Variants in SLC35F3 observed in about 807,000 individuals in gnomAD.
The protein encoded by SLC35F3 is solute carrier family 35 member F3.
Under a neutral mutation model 49.9 loss-of-function variants are expected in SLC35F3, and 25 were observed. The observed-to-expected ratio is 0.50, with a 90% CI of 0.37 to 0.70. The LOEUF (loss-of-function observed/expected upper bound fraction) is 0.70, where lower values mean the gene tolerates loss of function less well. Among genes scored for constraint, SLC35F3 ranks in the 30% least tolerant of loss-of-function variants. The pLI is 0.00. For synonymous variants in SLC35F3, 275 were observed against 265.4 expected (o/e 1.04, Z -0.35); for missense variants, 525 against 639.8 (o/e 0.82, Z 1.94).
chr1:234,162,284 A>G (rs1666239420), intron 2 of SLC35F3, among the ~76,000 whole-genome samples: 1 of 144,236 alleles, frequency 6.9e-6, no homozygotes, highest in African/African-American at 2.5e-5. Context: ...GGAGAAGCTC[A>G]GAGTGGCTTC....
intron 3 of SLC35F3, among the ~76,000 whole-genome samples, chr1:234,248,048 A>G (rs1201713652): frequency 7.3e-6 from 1 of 137,226 alleles, no homozygotes; most frequent in East Asian, 2.3e-4. Context: ...GGTAGGTTGA[A>G]TGGCTGGTCT....
intron 2 of SLC35F3, among the ~76,000 whole-genome samples, chr1:234,167,980 C>T (rs755972440): frequency 3.9e-5 from 6 of 152,204 alleles, no homozygotes; most frequent in Admixed American, 6.5e-5. Context: ...TTAGCTTTGC[C>T]GTGCCATTGT....
chr1:233,930,745 C>A (rs1197834659), intron 2 of SLC35F3, among the ~76,000 whole-genome samples: 2 of 152,050 alleles, frequency 1.3e-5, no homozygotes, highest in East Asian at 3.8e-4. Context: ...TATGTTCTTA[C>A]AATAAATTAA....
intron 2 of SLC35F3, among the ~76,000 whole-genome samples, chr1:233,995,668 G>A (rs1360470401): frequency 6.6e-6 from 1 of 152,186 alleles, no homozygotes; most frequent in Non-Finnish European, 1.5e-5. Flanking sequence ...CAGCAGCAGA[G>A]GAGAGGAAGG....
intron 2 of SLC35F3, among the ~76,000 whole-genome samples, chr1:234,136,384 T>C (rs1269872138): frequency 6.6e-6 from 1 of 151,998 alleles, no homozygotes; most frequent in Non-Finnish European, 1.5e-5. Context: ...TTCTATTTCT[T>C]TTTTTTCCTA....
intron 2 of SLC35F3, among the ~76,000 whole-genome samples, chr1:234,177,854 A>G (rs375986941): frequency 6.4e-4 from 97 of 152,318 alleles, no homozygotes; most frequent in African/African-American, 2.2e-3. Flanking sequence ...ATTTGATCTT[A>G]GATAGTACAG....
intron 2 of SLC35F3, among the ~76,000 whole-genome samples, chr1:234,102,707 T>C (rs776905925): frequency 6.6e-6 from 1 of 152,194 alleles, no homozygotes; most frequent in South Asian, 2.1e-4. Context: ...ACGACTCCCC[T>C]CTTGCTCCTT....
intron 2 of SLC35F3, among the ~76,000 whole-genome samples, chr1:234,195,329 C>T (rs956316421): frequency 2.0e-5 from 3 of 152,190 alleles, no homozygotes; most frequent in African/African-American, 7.2e-5. Context: ...TCTCTCGCCT[C>T]ACTTCCATCC....
At chr1:234,212,913 T>C (rs936602084) in intron 2 of SLC35F3, 2 of 152,202 alleles carry the variant, frequency 1.3e-5, no homozygotes, top group Non-Finnish European at 2.9e-5. Flanking sequence ...AGGCGTATAA[T>C]GTGGAGGGGT....
chr1:234,236,212 G>T (rs1192528453), intron 3 of SLC35F3, among the ~76,000 whole-genome samples: 1 of 152,102 alleles, frequency 6.6e-6, no homozygotes, highest in Non-Finnish European at 1.5e-5. Context: ...GGGCTGAGGA[G>T]GGCAGATTGA....
At chr1:234,163,231 T>C (rs373553199) in intron 2 of SLC35F3, among the ~76,000 whole-genome samples, 3 of 152,374 alleles carry the variant, frequency 2.0e-5, no homozygotes, top group East Asian at 1.9e-4. Flanking sequence ...AGGTACATCA[T>C]ACAATACACC....
intron 3 of SLC35F3, among the ~76,000 whole-genome samples, chr1:234,295,459 C>A (rs1372598591): frequency 6.6e-6 from 1 of 152,152 alleles, no homozygotes; most frequent in African/African-American, 2.4e-5. Flanking sequence ...ATTGGTCAGG[C>A]CAGTTCTCAA....
intron 2 of SLC35F3, among the ~76,000 whole-genome samples, chr1:233,917,059 G>A (rs1661984859): frequency 6.6e-6 from 1 of 152,140 alleles, no homozygotes; most frequent in Admixed American, 6.5e-5. Flanking sequence ...CTAAATATAT[G>A]GTATGGTTGT....
At chr1:234,252,872 G>A (rs1190384768) in intron 3 of SLC35F3, among the ~76,000 whole-genome samples, 4 of 152,136 alleles carry the variant, frequency 2.6e-5, no homozygotes, top group African/African-American at 9.7e-5. Flanking sequence ...TTACTCCTAG[G>A]AATTTACATT....
chr1:234,255,846 T>C (rs1007629624), intron 3 of SLC35F3, among the ~76,000 whole-genome samples: 1 of 152,216 alleles, frequency 6.6e-6, no homozygotes, highest in Non-Finnish European at 1.5e-5. Flanking sequence ...GATACTGTAA[T>C]GGTAGATACA....
intron 2 of SLC35F3, among the ~76,000 whole-genome samples, chr1:234,050,340 T>C (rs528753766): frequency 2.3e-4 from 35 of 152,342 alleles, no homozygotes; most frequent in Admixed American, 2.3e-3. Flanking sequence ...CTAACTGGTG[T>C]GAGATGGTAT....
intron 2 of SLC35F3, among the ~76,000 whole-genome samples, chr1:234,079,920 G>A (rs1458160691): frequency 6.6e-6 from 1 of 152,170 alleles, no homozygotes; most frequent in African/African-American, 2.4e-5. Context: ...CTGTAACAGA[G>A]CTCCTAAAAC....
At chr1:234,248,817 A>G (rs1667687851) in intron 3 of SLC35F3, among the ~76,000 whole-genome samples, 1 of 152,184 alleles carries the variant, frequency 6.6e-6, no homozygotes, top group East Asian at 1.9e-4. Flanking sequence ...CACTTAGGTG[A>G]CCAAGGTGTC....
chr1:233,964,055 A>G (rs1558191089), intron 2 of SLC35F3, among the ~76,000 whole-genome samples: 1 of 152,184 alleles, frequency 6.6e-6, no homozygotes, highest in Non-Finnish European at 1.5e-5. Context: ...CAAACTTTTC[A>G]AAGTGCCTCT....
Sources: gnomAD v4.1 joint callset for allele counts (sites outside exome capture counted in the v4.1 genomes callset) on GRCh38, gnomAD v4.1.1 for gene constraint, MANE v1.5 for transcripts, NCBI Gene and HGNC (gene_info 2026-07-23, HGNC 2026-07-21) for gene names.